Variants in NCLN observed in about 807,000 individuals in gnomAD.
NCLN encodes the protein BOS complex subunit NCLN.
NCLN carries 34 observed loss-of-function variants against 69.5 expected under a neutral mutation model. The ratio of observed to expected loss-of-function variants is 0.49; its 90% confidence interval spans 0.37 to 0.65. The LOEUF is 0.65. NCLN is among the 30% of genes least tolerant of loss of function. The pLI, the probability that NCLN is intolerant of heterozygous loss-of-function variation, is 0.00. For missense variants in NCLN, 710 were observed against 804.8 expected, an observed-to-expected ratio of 0.88 and a Z score of 1.42; for synonymous variants, 393 against 358.3, an observed-to-expected ratio of 1.10 and a Z score of -1.09.
Position 3,207,424 on chromosome 19 carries a change from T to C in NCLN, c.1587T>C (p.Ala529=), listed in dbSNP as rs3816054. ...CGGCCGTCTTTGACCTGCTCCTGGC[T>C]GTTGGCATTGCTGCCTACCTCGGCA... ...VKPAVFDLLL[A]VGIAAYLGMA... is the part of the protein sequence containing the mutation. Residue 529 remains alanine (A), a synonymous_variant, in exon 14 of 15, where the codon GCT becomes GCC. Transcript: ENST00000246117. 138,365 of 1,612,948 alleles carry C rather than the reference T, an allele frequency of 0.086. 13,054 individuals carry two copies. The highest frequency in any genetic ancestry group is 0.4 in the East Asian group (17,904 of 44,866).
chr19:3,190,724 C>T (rs1301070371), intron 1 of NCLN, among the ~76,000 whole-genome samples: 1 of 152,130 alleles, frequency 6.6e-6, no homozygotes, highest in African/African-American at 2.4e-5. Context: ...CGGGAGGCTC[C>T]GGGGCCCGCC....
intron 1 of NCLN, among the ~76,000 whole-genome samples, chr19:3,190,427 A>G (rs1396380866): frequency 6.6e-6 from 1 of 151,092 alleles, no homozygotes; most frequent in Non-Finnish European, 1.5e-5. Context: ...CTGTCCCCCC[A>G]TGCACCCAGC....
At chr19:3,187,749 A>C (rs1915707848) in intron 1 of NCLN, among the ~76,000 whole-genome samples, 1 of 152,144 alleles carries the variant, frequency 6.6e-6, no homozygotes, top group Non-Finnish European at 1.5e-5. Flanking sequence ...TAATGTCCAC[A>C]GTGTCCAGGG....
rs1916298105 is a variant in NCLN at position 3,207,379 on chromosome 19, C to T, written c.1554-12C>T. ...ACCATCCTCGACCTCAGGGACCCTG[C>T]TTTCTCCACAGAGTCAAGCCGGCCG... On this transcript the variant is annotated splice_polypyrimidine_tract_variant and intron_variant, in intron 13 of 14. Transcript: ENST00000246117. The T allele has an allele frequency of 1.9e-6, 3 of 1,613,090 alleles. No homozygotes were observed. The East Asian group carries it at 6.7e-5, about 36-fold the overall frequency.
intron 5 of NCLN, among the ~76,000 whole-genome samples, chr19:3,199,354 A>G (rs1457561417): frequency 6.6e-6 from 1 of 152,266 alleles, no homozygotes; most frequent in South Asian, 2.1e-4. Context: ...CCTCATTGTC[A>G]GCAGTGAGCT....
Position 3,209,484 on chromosome 19 carries a change from A to G in NCLN, c.*1796A>G, listed in dbSNP as rs1462768821. On this transcript the variant is annotated 3_prime_UTR_variant, in exon 15 of 15. Coordinates refer to ENST00000246117, the MANE Select transcript of NCLN (RefSeq NM_020170.4). ...TTCCTTCCTTCCTGGACAGGTCGTCATGATGGATGCACTGACTGACCGTCT... is the reference window on the plus strand; with the variant it reads ...TTCCTTCCTTCCTGGACAGGTCGTCGTGATGGATGCACTGACTGACCGTCT... The G allele has an allele frequency of 6.6e-6, 1 of 152,286 alleles. No homozygotes were observed. The highest frequency in any genetic ancestry group is 6.5e-5 in the Admixed American group (1 of 15,292). The allele number at this position is 152,286 out of a possible 1,614,324, so 9.4% of individuals were successfully genotyped here. A position where few individuals can be genotyped will look rare whatever the true frequency, so the allele number is the denominator to read the frequency against.
rs1916315834 is a variant in NCLN, at chr19:3,207,860, CTG to C, written c.*173_*174del. Reference sequence around the variant, plus strand: ...AGCTTTTTTCTGTTGCTCTCCGAGACTGGGGGGGGATTGTTTCTTCTTTTCCT... The same window carrying C: ...AGCTTTTTTCTGTTGCTCTCCGAGACGGGGGGGATTGTTTCTTCTTTTCCT... On this transcript the variant is annotated 3_prime_UTR_variant, in exon 15 of 15. Transcript: ENST00000246117. 1.7e-6 allele frequency: 1 copy of C among 600,920 alleles called. No homozygotes were observed. The highest frequency in any genetic ancestry group is 3.0e-6 in the Non-Finnish European group (1 of 334,558). 37.2% of individuals were successfully genotyped at this position (600,920 alleles called of 1,614,324 possible). A position where few individuals can be genotyped will look rare whatever the true frequency, so the allele number is the denominator to read the frequency against.
At chr19:3,202,221 A>C (rs974139574) in intron 6 of NCLN, among the ~76,000 whole-genome samples, 1 of 151,968 alleles carries the variant, frequency 6.6e-6, no homozygotes, top group Non-Finnish European at 1.5e-5. Flanking sequence ...GTAGGAAGGG[A>C]GAGAGGAGGT....
rs908665211 is a variant in NCLN at position 3,207,962 on chromosome 19, C to A, written c.*274C>A. The A allele has an allele frequency of 1.4e-5, 7 of 492,446 alleles. No homozygotes were observed. The South Asian group carries it at 1.6e-4, about 11-fold the overall frequency. The allele number at this position is 492,446 out of a possible 1,614,324, so 30.5% of individuals were successfully genotyped here. On this transcript the variant is annotated 3_prime_UTR_variant, in exon 15 of 15. Transcript: ENST00000246117. ...GCTACGGACTTGCGGACGAGCCCCC[C>A]AGTCCTGGGAGCCGGCCGCCCTCGG...
intron 3 of NCLN, 135 bp downstream of exon 3, chr19:3,193,563 G>A (rs1915885751): frequency 9.1e-7 from 1 of 1,096,296 alleles, no homozygotes; most frequent in Non-Finnish European, 1.3e-6. Context: ...AACAGTGGGG[G>A]TTCCTGGGCC....
rs1483474883 is a variant in NCLN at position 3,186,182 on chromosome 19, TGCA to T, written c.157_159del (p.Gln53del). ...GCGCACGAGTTCACCGTGTACCGCA[TGCA>T]GCAGTACGACCTGCAGGGCCAGCCC... On this transcript the variant is annotated inframe_deletion, in exon 1 of 15. Coordinates refer to ENST00000246117, the MANE Select transcript of NCLN (RefSeq NM_020170.4). 1 of 1,586,212 alleles carries T rather than the reference TGCA, an allele frequency of 6.3e-7. No individual in the cohort carries two copies. Among genetic ancestry groups the T allele is most frequent in the Non-Finnish European group, 8.5e-7 (1 of 1,169,742 alleles).
In NCLN at chr19:3,186,580, C is replaced by T. The variant is rs527861554; in HGVS notation, c.184+366C>T. The stretch of plus-strand genomic sequence containing the variant: ...GCCGAGTTTCTCCCTCCTGGGCCCC[C>T]TCCGCCCCTTAGGCTTCCTGGTCCG... On this transcript the variant is annotated intron_variant, in intron 1 of 14. Transcript: ENST00000246117. Among the ~76,000 whole-genome samples the T allele has an allele frequency of 1.7e-3, 260 of 152,330 alleles. 1 individual carries two copies. Among genetic ancestry groups the T allele is most frequent in the African/African-American group, 6.1e-3 (255 of 41,574 alleles).
At chr19:3,186,302 C>G in intron 1 of NCLN, 88 bp downstream of exon 1, 1 of 1,322,816 alleles carries the variant, frequency 7.6e-7, no homozygotes, top group Admixed American at 3.8e-5. Context: ...ATCCCTAGCT[C>G]CGGCCTGGGC....
intron 4 of NCLN, among the ~76,000 whole-genome samples, chr19:3,197,553 T>A (rs780730631): frequency 3.3e-5 from 5 of 152,100 alleles, no homozygotes; most frequent in Non-Finnish European, 7.4e-5. Flanking sequence ...GCGATTGTCT[T>A]GCCTCGGCCT....
intron 12 of NCLN, 81 bp from the exon 13 acceptor site, chr19:3,207,117 C>G (rs1916290412): frequency 6.7e-7 from 1 of 1,498,920 alleles, no homozygotes; most frequent in Non-Finnish European, 9.3e-7. Flanking sequence ...AGCCATCGTG[C>G]CCAGTCTCCA....
intron 3 of NCLN, among the ~76,000 whole-genome samples, chr19:3,193,723 C>T (rs1222447907): frequency 6.6e-6 from 1 of 152,244 alleles, no homozygotes; most frequent in Non-Finnish European, 1.5e-5. Context: ...TCCTCAGGGG[C>T]TCGGGGTTTA....
chr19:3,186,007 C>G lies in NCLN; in HGVS notation c.-24C>G, dbSNP rs1915657164. On this transcript the variant is annotated 5_prime_UTR_variant, in exon 1 of 15. Coordinates refer to ENST00000246117, the MANE Select transcript of NCLN (RefSeq NM_020170.4). ...CGCCGTCCCGTCCCAGCTGCCGCCC[C>G]GCGCGGCCCCGCCGCCGGCCAGGAT... 3 of 1,513,218 alleles carry G rather than the reference C, an allele frequency of 2.0e-6. No homozygotes were observed. Among genetic ancestry groups the G allele is most frequent in the East Asian group, 2.8e-5 (1 of 35,112 alleles). The allele number at this position is 1,513,218 out of a possible 1,614,324, so 93.7% of individuals were successfully genotyped here.
chr19:3,195,281 G>A (rs1443287638), intron 3 of NCLN, among the ~76,000 whole-genome samples: 2 of 150,900 alleles, frequency 1.3e-5, no homozygotes, highest in Non-Finnish European at 2.9e-5. Flanking sequence ...ACGGAGTCTC[G>A]TTCTGTCACC....
At chr19:3,196,348 T>C (rs931251735) in intron 4 of NCLN, 71 bp downstream of exon 4, 1 of 1,180,606 alleles carries the variant, frequency 8.5e-7, no homozygotes, top group Non-Finnish European at 1.2e-6. Flanking sequence ...GCTCCCCGGC[T>C]CGGCCGTACT....
Sources: allele counts gnomAD v4.1 joint callset (sites outside exome capture counted in the v4.1 genomes callset), GRCh38; gene constraint gnomAD v4.1.1; transcripts MANE v1.5; gene names NCBI Gene and HGNC (gene_info 2026-07-23, HGNC 2026-07-21).